The following EPHA6 variants were observed in gnomAD, a reference collection of about 807,000 sequenced individuals.
The protein encoded by EPHA6 is ephrin type-A receptor 6.
EPHA6 carries 50 observed loss-of-function variants against 112.0 expected under a neutral mutation model. The ratio of observed to expected loss-of-function variants is 0.45; its 90% CI spans 0.36 to 0.56. The LOEUF (loss-of-function observed/expected upper bound fraction) is 0.56. Among genes scored for constraint, EPHA6 ranks in the 20% least tolerant of loss-of-function variants. The pLI, the probability that EPHA6 is intolerant of heterozygous loss-of-function variation, is 0.00. For synonymous variants in EPHA6, 529 were observed against 490.7 expected, an observed-to-expected ratio of 1.08 and a Z score of -1.03; for missense variants, 1,280 against 1,417.4, an observed-to-expected ratio of 0.90 and a Z score of 1.56.
chr3:97,211,412 T>A (rs2077871214), intron 3 of EPHA6, among the ~76,000 whole-genome samples: 1 of 152,138 alleles, frequency 6.6e-6, no homozygotes, highest in Non-Finnish European at 1.5e-5. Flanking sequence ...TGGGCTTCTG[T>A]AACAAAATAT....
intron 2 of EPHA6, among the ~76,000 whole-genome samples, chr3:96,875,068 T>C (rs1017277287): frequency 6.6e-6 from 1 of 152,104 alleles, no homozygotes; most frequent in African/African-American, 2.4e-5. Flanking sequence ...CAATTCTTAG[T>C]TTTTCTTAAA....
intron 11 of EPHA6, among the ~76,000 whole-genome samples, chr3:97,549,209 G>A (rs1009349685): frequency 6.6e-6 from 1 of 152,160 alleles, no homozygotes; most frequent in Non-Finnish European, 1.5e-5. Flanking sequence ...GCCAGCAGCA[G>A]CCTCAGGCAT....
intron 1 of EPHA6, among the ~76,000 whole-genome samples, chr3:96,859,995 A>G (rs1042444207): frequency 9.9e-5 from 15 of 152,188 alleles, no homozygotes; most frequent in African/African-American, 3.4e-4. Context: ...AAATCCTAGT[A>G]GTGAAAGTTA....
intron 3 of EPHA6, among the ~76,000 whole-genome samples, chr3:97,069,394 CAG>C (rs1197985203): frequency 6.6e-6 from 1 of 152,068 alleles, no homozygotes; most frequent in South Asian, 2.1e-4. Flanking sequence ...TCAGAGGTAA[CAG>C]AGTTGGAAGG....
intron 3 of EPHA6, among the ~76,000 whole-genome samples, chr3:97,085,660 A>C (rs918285172): frequency 2.0e-5 from 3 of 152,098 alleles, no homozygotes; most frequent in Non-Finnish European, 4.4e-5. Context: ...AAATACTCAG[A>C]TAAAATAGAG....
chr3:97,652,852 A>G (rs891565980), intron 14 of EPHA6, among the ~76,000 whole-genome samples: 3 of 152,052 alleles, frequency 2.0e-5, no homozygotes, highest in African/African-American at 2.4e-5. Context: ...TTGCTTAAGC[A>G]TCTGAGTGTT....
chr3:97,505,222 GAT>G, intron 10 of EPHA6, among the ~76,000 whole-genome samples: 1 of 152,052 alleles, frequency 6.6e-6, no homozygotes, highest in East Asian at 1.9e-4. Context: ...TAAGTTCTGG[GAT>G]ACATGTGCAG....
intron 14 of EPHA6, among the ~76,000 whole-genome samples, chr3:97,718,992 T>TTCTA (rs1157047964): frequency 6.6e-6 from 1 of 150,902 alleles, no homozygotes; most frequent in East Asian, 2.0e-4. Flanking sequence ...AATTCCATGC[T>TTCTA]ACTAGTCTTT....
At chr3:96,934,405 TACC>T (rs2040480700) in intron 2 of EPHA6, among the ~76,000 whole-genome samples, 6 of 151,804 alleles carry the variant, frequency 4.0e-5, no homozygotes, top group Admixed American at 3.9e-4. Context: ...AGTTGTAAAT[TACC>T]ACTTCTATAA....
At position 97,328,078 on chromosome 3, in the gene EPHA6, T is replaced by TATATATATAA. The variant is rs1309698190; in HGVS notation, c.1607-77071_1607-77070insTATATATAAA. On this transcript the variant is annotated intron_variant, in intron 5 of 17. Transcript: ENST00000389672. Reference sequence around the variant, plus strand: ...ACATATATATATATATATATATATATAACCTGTTTTGTATAATCATTCATT... The same window carrying TATATATATAA: ...ACATATATATATATATATATATATATATATATATAAAACCTGTTTTGTATAATCATTCATT... 9.5e-4 allele frequency among the ~76,000 whole-genome samples: 131 copies of TATATATATAA among 138,276 alleles called. 4 individuals are homozygous for TATATATATAA. Among genetic ancestry groups the TATATATATAA allele is most frequent in the African/African-American group, 3.4e-3 (111 of 32,942 alleles). 90.7% of individuals were successfully genotyped at this position (138,276 alleles called of 152,430 possible).
intron 3 of EPHA6, among the ~76,000 whole-genome samples, chr3:97,209,677 G>T (rs2077814042): frequency 6.6e-6 from 1 of 152,030 alleles, no homozygotes; most frequent in Admixed American, 6.6e-5. Context: ...GTCCTATTCA[G>T]CTACAGAAAT....
chr3:96,913,118 C>T (rs2039300934), intron 2 of EPHA6, among the ~76,000 whole-genome samples: 1 of 148,656 alleles, frequency 6.7e-6, no homozygotes, highest in Non-Finnish European at 1.5e-5. Context: ...CACTTGAGGC[C>T]AGGAGTTCAA....
Position 97,475,387 on chromosome 3 carries a change from G to A in EPHA6, c.1930G>A (p.Val644Met). 2 of 1,611,796 alleles carry A rather than the reference G, an allele frequency of 1.2e-6. No homozygotes were observed. Among genetic ancestry groups the A allele is most frequent in the Non-Finnish European group, 1.7e-6 (2 of 1,178,830 alleles). ...GGCAGCAGAACAAGGACAGATTCTC[G>A]TGATAGCCACCGCCGCTGTTGGCGG... is the stretch of plus-strand genomic sequence containing the variant. ...DMAAEQGQILVIATAAVGGFT... is the reference protein window; with the variant it reads ...DMAAEQGQILMIATAAVGGFT... Residue 644 changes from valine (V) to methionine (M), a missense_variant, in exon 8 of 18, where the codon GTG becomes ATG. Around this residue, in one of 4 missense-constraint regions of EPHA6, gnomAD observed 878 missense variants for 999.7 expected, o/e 0.88. Coordinates refer to ENST00000389672, the MANE Select transcript of EPHA6 (RefSeq NM_001080448.3).
intron 5 of EPHA6, among the ~76,000 whole-genome samples, chr3:97,256,822 G>T (rs2079330081): frequency 6.6e-6 from 1 of 151,992 alleles, no homozygotes; most frequent in African/African-American, 2.4e-5. Flanking sequence ...GAAATATAGT[G>T]CTGCTCCATG....
intron 3 of EPHA6, among the ~76,000 whole-genome samples, chr3:97,201,429 A>G (rs2077574254): frequency 6.6e-6 from 1 of 152,146 alleles, no homozygotes; most frequent in Non-Finnish European, 1.5e-5. Context: ...GAAGCCTAAA[A>G]TCTGTTAACA....
At chr3:97,517,246 T>G (rs1043494895) in intron 10 of EPHA6, among the ~76,000 whole-genome samples, 1 of 152,058 alleles carries the variant, frequency 6.6e-6, no homozygotes, top group African/African-American at 2.4e-5. Context: ...ACAAATTGGG[T>G]TTATCACTTA....
intron 3 of EPHA6, among the ~76,000 whole-genome samples, chr3:97,089,544 C>T (rs1332391191): frequency 6.6e-6 from 1 of 152,000 alleles, no homozygotes; most frequent in African/African-American, 2.4e-5. Flanking sequence ...GTGGAGAATT[C>T]CAAAGTCTCA....
intron 3 of EPHA6, among the ~76,000 whole-genome samples, chr3:97,067,985 A>C (rs915418306): frequency 1.3e-5 from 2 of 151,754 alleles, no homozygotes; most frequent in African/African-American, 4.8e-5. Context: ...TCTCTAATAA[A>C]AATACAAAAA....
intron 5 of EPHA6, among the ~76,000 whole-genome samples, chr3:97,350,716 C>T (rs2083767904): frequency 6.6e-6 from 1 of 152,042 alleles, no homozygotes; most frequent in Non-Finnish European, 1.5e-5. Flanking sequence ...CCAAGGCATC[C>T]CATTGCATTT....
Sources: gnomAD v4.1 joint callset for allele counts (sites outside exome capture counted in the v4.1 genomes callset) on GRCh38, gnomAD v4.1.1 for gene constraint, gnomAD v4.1.1 regional missense constraint, MANE v1.5 for transcripts, NCBI Gene and HGNC (gene_info 2026-07-23, HGNC 2026-07-21) for gene names.